The following SHANK2 variants were observed in gnomAD, a reference collection of about 807,000 sequenced individuals.
SHANK2 encodes SH3 and multiple ankyrin repeat domains 2.
Under a neutral mutation model 133.7 loss-of-function variants are expected in SHANK2, and 43 were observed. That is an observed-to-expected ratio of 0.32 (90% CI 0.25 to 0.41). SHANK2 has a LOEUF of 0.41. Ranked by LOEUF, SHANK2 falls within the 10% of genes least tolerant of loss-of-function variation. The pLI is 1.00. For missense variants in SHANK2, 1,994 were observed against 2,235.8 expected (o/e 0.89, Z 2.18); for synonymous variants, 1,017 against 952.8 (o/e 1.07, Z -1.24).
Position 70,485,621 on chromosome 11 carries a change from T to C in SHANK2, c.4672A>G (p.Lys1558Glu). 1 of 1,614,064 alleles carries C rather than the reference T, an allele frequency of 6.2e-7. No homozygotes were observed. Among genetic ancestry groups the C allele is most frequent in the Non-Finnish European group, 8.5e-7 (1 of 1,180,030 alleles). ...PKPKMKPIIH[K>E]SNALYQDALV... ...GCGTCTTGATAAAGTGCATTGCTTT[T>C]GTGAATGATGGGCTTCATTTTTGGC... Residue 1558 changes from lysine to glutamate, a missense_variant, in exon 25 of 26, where the codon AAA becomes GAA. Around this residue, in one of 5 missense-constraint regions of SHANK2, gnomAD observed 797 missense variants for 907.4 expected, o/e 0.88. Transcript: ENST00000601538. The surrounding 1 kb of genome is among the most constrained non-coding windows in gnomAD (Gnocchi z 5.8).
chr11:70,486,481 C>A lies in SHANK2; in HGVS notation c.3812G>T (p.Gly1271Val). Residue 1271 changes from glycine to valine, a missense_variant, in exon 25 of 26, where the codon GGA (glycine) becomes GTA (valine). Physicochemically the swap from Gly to Val is moderately radical, Grantham distance 109 (BLOSUM62 -3). This residue lies in a region of SHANK2 where 797 missense variants were observed against 907.4 expected (regional missense o/e 0.88). Coordinates refer to ENST00000601538, the MANE Select transcript of SHANK2 (RefSeq NM_012309.5). This position sits in a 1 kb window ranked among gnomAD's most constrained non-coding sequence, Gnocchi z 8.0. Reference sequence around the variant, plus strand: ...CTCCGTCTCCTGCCGCCTCAGGGGTCCCCGGGTGTTCTGCCTGGTGACCGT... The same window carrying A: ...CTCCGTCTCCTGCCGCCTCAGGGGTACCCGGGTGTTCTGCCTGGTGACCGT... ...FPTVTRQNTRGPLRRQETENK... is the reference protein window; with the variant it reads ...FPTVTRQNTRVPLRRQETENK... The A allele has an allele frequency of 1.9e-6, 3 of 1,614,112 alleles. No homozygotes were observed. The highest frequency in any genetic ancestry group is 2.5e-6 in the Non-Finnish European group (3 of 1,180,034).
At chr11:71,065,887 A>AG (rs1951049289) in intron 9 of SHANK2, among the ~76,000 whole-genome samples, 1 of 8,782 alleles carries the variant, frequency 1.1e-4, no homozygotes, top group African/African-American at 6.1e-4. Flanking sequence ...GTTGGGGGGG[A>AG]TACAGAACTC....
chr11:70,495,664 C>T (rs1261059326), intron 21 of SHANK2, among the ~76,000 whole-genome samples: 2 of 152,204 alleles, frequency 1.3e-5, no homozygotes, highest in Non-Finnish European at 2.9e-5. Context: ...AGTGCTGGCC[C>T]GGGCCCCTCC....
At chr11:70,696,053 G>A (rs1555022166) in intron 15 of SHANK2, among the ~76,000 whole-genome samples, 3 of 152,200 alleles carry the variant, frequency 2.0e-5, no homozygotes, top group African/African-American at 7.2e-5. Context: ...AAAAGCCCTT[G>A]ACTGGACACC....
At chr11:71,115,287 T>A (rs555670219) in intron 4 of SHANK2, among the ~76,000 whole-genome samples, 1 of 152,110 alleles carries the variant, frequency 6.6e-6, no homozygotes, top group East Asian at 1.9e-4. Context: ...CTGGCCAACA[T>A]GGTGAAACCC....
At chr11:70,783,548 G>A (rs3019827) in intron 14 of SHANK2, among the ~76,000 whole-genome samples, 3 of 152,136 alleles carry the variant, frequency 2.0e-5, no homozygotes, top group African/African-American at 7.2e-5. Context: ...TATGGCTCAC[G>A]AGTGGGCAGA....
intron 2 of SHANK2, among the ~76,000 whole-genome samples, chr11:71,192,800 C>G (rs1266378289): frequency 6.6e-6 from 1 of 152,222 alleles, no homozygotes; most frequent in African/African-American, 2.4e-5. Flanking sequence ...CTATCAGAGG[C>G]TATCAGCTCA....
intron 10 of SHANK2, among the ~76,000 whole-genome samples, chr11:70,912,098 AAAAAAAAAAAAAAAAAAG>A (rs1292805563): frequency 1.1e-3 from 106 of 97,216 alleles, no homozygotes; most frequent in African/African-American, 3.9e-3. Flanking sequence ...AAAAAAAAAA[AAAAAAAAAAAAAAAAAAG>A]AAAGAAAGAA....
intron 17 of SHANK2, among the ~76,000 whole-genome samples, chr11:70,599,852 A>C (rs2060456282): frequency 7.8e-6 from 1 of 128,000 alleles, no homozygotes; most frequent in Non-Finnish European, 1.7e-5. Context: ...AGAGAACGAA[A>C]GAAAGAAATA....
intron 11 of SHANK2, among the ~76,000 whole-genome samples, chr11:70,893,501 T>C (rs1555075120): frequency 6.6e-6 from 1 of 152,254 alleles, no homozygotes; most frequent in African/African-American, 2.4e-5. Context: ...CATTGAGAGA[T>C]GTCAGGTTCC....
chr11:71,166,449 T>C (rs1555110854), intron 2 of SHANK2, among the ~76,000 whole-genome samples: 1 of 151,932 alleles, frequency 6.6e-6, no homozygotes, highest in East Asian at 1.9e-4. Flanking sequence ...TGACTTTTCT[T>C]GGTTTACCTT....
rs1360010643 is a variant in SHANK2, at chr11:70,804,262, G to A, written c.1663+2740C>T. Among the ~76,000 whole-genome samples the A allele has an allele frequency of 8.5e-5, 13 of 152,114 alleles. No individual in the cohort carries two copies. Among genetic ancestry groups the A allele is most frequent in the Admixed American group, 3.9e-4 (6 of 15,286 alleles). ...GGCAGTGGATCGGCTCGACCCGCCC[G>A]CCTCTAAGCACTGCCATGCAGGCAG... is the stretch of plus-strand genomic sequence containing the variant. On this transcript the variant is annotated intron_variant, in intron 13 of 25. Coordinates refer to ENST00000601538, the MANE Select transcript of SHANK2 (RefSeq NM_012309.5). This position sits in a 1 kb window ranked among gnomAD's most constrained non-coding sequence, Gnocchi z 4.1.
chr11:70,603,442 T>TCCTGAC (rs1409903434), intron 17 of SHANK2: 1 of 152,158 alleles, frequency 6.6e-6, no homozygotes, highest in African/African-American at 2.4e-5. Flanking sequence ...TCCCTCCACA[T>TCCTGAC]CCTGACCCTG....
rs551970692 is a variant in SHANK2, at chr11:71,112,755, A to G, written c.483+538T>C. ...ACGCCTCCTCCTCGACTCGCACAGC[A>G]CCCTGAAAGACAGCAGGGTGTTCAT... is the stretch of plus-strand genomic sequence containing the variant. On this transcript the variant is annotated intron_variant, in intron 5 of 25. Transcript: ENST00000601538. Among the ~76,000 whole-genome samples the G allele has an allele frequency of 3.3e-5, 5 of 152,184 alleles. No homozygotes were observed. The East Asian group carries it at 9.7e-4, about 29-fold the overall frequency.
chr11:70,634,557 C>T (rs1315569741), intron 17 of SHANK2: 1 of 152,114 alleles, frequency 6.6e-6, no homozygotes, highest in South Asian at 2.1e-4. Context: ...AAACAAAAAT[C>T]TAATTTAAAA....
rs1466206835 is a variant in SHANK2, at chr11:70,599,905, G to GAAAGAAAGAT, written c.2061+59922_2061+59923insATCTTTCTTT. ...AAAGAAAGAAAAAGAAAGAAAGAAA[G>GAAAGAAAGAT]AGAAAGAAAGAAAGAAAGAAAGAAA... On this transcript the variant is annotated intron_variant, in intron 17 of 25. Transcript: ENST00000601538. Among the ~76,000 whole-genome samples, 12 of 73,730 alleles carry GAAAGAAAGAT rather than the reference G, an allele frequency of 1.6e-4. 1 individual carries two copies. The highest frequency in any genetic ancestry group is 7.3e-4 in the African/African-American group (12 of 16,502). 48.4% of individuals were successfully genotyped at this position (73,730 alleles called of 152,430 possible).
At chr11:70,716,436 G>A (rs1025163492) in intron 14 of SHANK2, among the ~76,000 whole-genome samples, 1 of 152,212 alleles carries the variant, frequency 6.6e-6, no homozygotes, top group Non-Finnish European at 1.5e-5. Flanking sequence ...CTAGAAAAAA[G>A]ACCTGTTGAG....
chr11:70,661,497 GTA>G (rs1158461838), intron 16 of SHANK2, 97 bp downstream of exon 16: 17 of 1,044,944 alleles, frequency 1.6e-5, no homozygotes, highest in African/African-American at 3.6e-5. Context: ...TCATGCAGGC[GTA>G]TACACACACA....
intron 11 of SHANK2, among the ~76,000 whole-genome samples, chr11:70,843,255 G>T (rs1374839953): frequency 6.6e-6 from 1 of 150,652 alleles, no homozygotes; most frequent in African/African-American, 2.4e-5. Context: ...GGCTCCTATG[G>T]GGTGGGCTGG....
Sources: gnomAD v4.1 joint callset for allele counts (sites outside exome capture counted in the v4.1 genomes callset) on GRCh38, gnomAD v4.1.1 for gene constraint, gnomAD v4.1.1 regional missense constraint, Gnocchi (gnomAD v3.1) non-coding constraint, MANE v1.5 for transcripts, NCBI Gene and HGNC (gene_info 2026-07-23, HGNC 2026-07-21) for gene names.